MERTK: variants seen among roughly 807,000 people sequenced by gnomAD.
The protein encoded by MERTK is MER proto-oncogene, tyrosine kinase.
A neutral mutation model predicts 99.3 loss-of-function variants in MERTK; 69 were observed. That is an observed-to-expected ratio of 0.70 (90% confidence interval 0.57 to 0.85). The LOEUF is 0.85. Ranked by LOEUF, MERTK falls within the 40% of genes least tolerant of loss-of-function variation. The probability of loss-of-function intolerance (pLI) is 0.00; values close to 1 mark genes in which losing one functional copy is unlikely to be tolerated. For missense variants in MERTK, 1,125 were observed against 1,249.4 expected, an observed-to-expected ratio of 0.90 and a Z score of 1.50; for synonymous variants, 426 against 467.6, an observed-to-expected ratio of 0.91 and a Z score of 1.15.
At chr2:111,984,784 A>T (rs936838294) in intron 8 of MERTK, among the ~76,000 whole-genome samples, 24 of 152,200 alleles carry the variant, frequency 1.6e-4, no homozygotes, top group African/African-American at 5.8e-4. Flanking sequence ...CCACCAGAGC[A>T]TATTTGCTGA....
At chr2:111,958,116 G>A (rs1037673214) in intron 4 of MERTK, among the ~76,000 whole-genome samples, 2 of 152,148 alleles carry the variant, frequency 1.3e-5, no homozygotes, top group East Asian at 1.9e-4. Flanking sequence ...TAAGAGGGAC[G>A]ACCTACCCAC....
At chr2:111,962,231 G>A (rs988322397) in intron 4 of MERTK, among the ~76,000 whole-genome samples, 24 of 152,158 alleles carry the variant, frequency 1.6e-4, no homozygotes, top group African/African-American at 5.8e-4. Context: ...ATTCAGGTCG[G>A]GTGTGGTGGC....
At chr2:111,922,340 G>A (rs1684475311) in intron 1 of MERTK, among the ~76,000 whole-genome samples, 1 of 152,196 alleles carries the variant, frequency 6.6e-6, no homozygotes, top group Non-Finnish European at 1.5e-5. Context: ...AATCAAAGGA[G>A]CTCATGTTAG....
chr2:111,961,436 T>C (rs1685249587), intron 4 of MERTK, among the ~76,000 whole-genome samples: 1 of 152,140 alleles, frequency 6.6e-6, no homozygotes, highest in Non-Finnish European at 1.5e-5. Flanking sequence ...ATTACAGGCA[T>C]GAGCCACCGC....
chr2:111,984,542 G>A (rs1676433678), intron 8 of MERTK, among the ~76,000 whole-genome samples: 1 of 152,134 alleles, frequency 6.6e-6, no homozygotes, highest in African/African-American at 2.4e-5. Context: ...TTTTGTGAGA[G>A]CGAGGTGTGA....
intron 5 of MERTK, 137 bp from the exon 6 acceptor site, chr2:111,968,000 C>G (rs1270837384): frequency 1.4e-6 from 1 of 714,572 alleles, no homozygotes; most frequent in South Asian, 1.5e-5. Context: ...TAGGGAGGCT[C>G]CTCTTGAAAA....
chr2:112,003,013 G>A (rs1363333843), intron 11 of MERTK, 79 bp from the exon 12 acceptor site: 2 of 757,090 alleles, frequency 2.6e-6, no homozygotes, highest in African/African-American at 1.7e-5. Context: ...TATTATACAG[G>A]ACTTTATTTC....
chr2:111,994,153 C>T (rs1330395203), intron 8 of MERTK, 98 bp from the exon 9 acceptor site: 29 of 1,394,676 alleles, frequency 2.1e-5, no homozygotes, highest in African/African-American at 2.8e-5. Context: ...TGGCCTCGGA[C>T]GTGGGCGGGA....
intron 18 of MERTK, among the ~76,000 whole-genome samples, chr2:112,027,296 A>G (rs1300755725): frequency 2.0e-5 from 3 of 146,750 alleles, no homozygotes; most frequent in African/African-American, 2.6e-5. Flanking sequence ...GTGTGTGTAT[A>G]TGTGTGTGTG....
intron 10 of MERTK, 55 bp downstream of exon 10, chr2:111,997,531 C>T: frequency 5.0e-6 from 8 of 1,590,462 alleles, no homozygotes; most frequent in Non-Finnish European, 6.9e-6. Context: ...GTTGTTATAC[C>T]AAGTGATTAT....
chr2:111,958,719 C>T (rs1006959873), intron 4 of MERTK, among the ~76,000 whole-genome samples: 6 of 152,044 alleles, frequency 3.9e-5, no homozygotes, highest in Admixed American at 2.6e-4. Flanking sequence ...GTCCATTTGA[C>T]CTGAAGTCAT....
chr2:112,010,123 A>G (rs1048788981), intron 15 of MERTK, 57 bp downstream of exon 15: 14 of 1,254,944 alleles, frequency 1.1e-5, no homozygotes, highest in Non-Finnish European at 1.5e-5. Context: ...TGACTTAGCC[A>G]GGACAACCAA....
intron 5 of MERTK, 38 bp downstream of exon 5, chr2:111,965,315 G>T (rs375023172): frequency 4.2e-5 from 68 of 1,600,730 alleles, no homozygotes; most frequent in Non-Finnish European, 5.5e-5. Flanking sequence ...CATGTTCTGG[G>T]AGCTGGTGAG....
intron 18 of MERTK, among the ~76,000 whole-genome samples, chr2:112,025,479 C>CA (rs1454032625): frequency 6.6e-6 from 1 of 152,208 alleles, no homozygotes; most frequent in Non-Finnish European, 1.5e-5. Context: ...CCAAGAACCC[C>CA]AGCTTATATC....
chr2:112,019,344 C>CT (rs1553459328), intron 15 of MERTK, 69 bp from the exon 16 acceptor site: 34 of 1,135,130 alleles, frequency 3.0e-5, no homozygotes, highest in Non-Finnish European at 3.9e-5. Context: ...TTTCCCCCCC[C>CT]GGCAGAAACT....
At chr2:111,970,484 C>T (rs1447108951) in intron 6 of MERTK, among the ~76,000 whole-genome samples, 1 of 152,130 alleles carries the variant, frequency 6.6e-6, no homozygotes, top group African/African-American at 2.4e-5. Flanking sequence ...CCATTATATT[C>T]ACCCATTATT....
chr2:111,987,248 A>G (rs1465095445), intron 8 of MERTK, among the ~76,000 whole-genome samples: 1 of 152,208 alleles, frequency 6.6e-6, no homozygotes, highest in Non-Finnish European at 1.5e-5. Flanking sequence ...TATCGCAGCT[A>G]CACAGAAGAC....
intron 8 of MERTK, among the ~76,000 whole-genome samples, chr2:111,987,967 A>G (rs1351717903): frequency 6.6e-6 from 1 of 150,920 alleles, no homozygotes; most frequent in African/African-American, 2.4e-5. Context: ...TAGCCTTGAG[A>G]CAGCATGATA....
intron 1 of MERTK, among the ~76,000 whole-genome samples, chr2:111,902,808 C>CTT (rs5833423): frequency 6.9e-6 from 1 of 143,936 alleles, no homozygotes; most frequent in East Asian, 2.0e-4. Context: ...CTCCCTCCCT[C>CTT]TATTTCTTTA....
Sources: allele counts gnomAD v4.1 joint callset (sites outside exome capture counted in the v4.1 genomes callset), GRCh38; gene constraint gnomAD v4.1.1; transcripts MANE v1.5; gene names NCBI Gene and HGNC (gene_info 2026-07-23, HGNC 2026-07-21).